The following NALF1 variants were observed in gnomAD, a reference collection of about 807,000 sequenced individuals.
The protein encoded by NALF1 is family with sequence similarity 155 member A.
A neutral mutation model predicts 48.4 loss-of-function variants in NALF1; 3 were observed. The ratio of observed to expected loss-of-function variants is 0.06; its 90% CI spans 0.03 to 0.16. NALF1 has a LOEUF of 0.16. Among genes scored for constraint, NALF1 ranks in the 10% least tolerant of loss-of-function variants. NALF1 has a pLI of 1.00. For missense variants in NALF1, 526 were observed against 571.5 expected (o/e 0.92, Z 0.81); for synonymous variants, 262 against 245.7 (o/e 1.07, Z -0.62).
chr13:107,201,359 G>A (rs932089392), intron 2 of NALF1, among the ~76,000 whole-genome samples: 10 of 152,294 alleles, frequency 6.6e-5, no homozygotes, highest in African/African-American at 9.6e-5. Flanking sequence ...GGCAGATCAC[G>A]AGGTCAGGAG....
rs1878725539 is a variant in NALF1, at chr13:107,168,874, A to G, written c.*1623T>C. On this transcript the variant is annotated 3_prime_UTR_variant, in exon 3 of 3. Coordinates refer to ENST00000375915, the MANE Select transcript of NALF1 (RefSeq NM_001080396.3). ...TTTGTTCACTAAGAGGACCTTTTCT[A>G]TGGATTTCCTTCATCTCTCAGTCAC... 6.6e-6 allele frequency: 1 copy of G among 152,622 alleles called. No homozygotes were observed. The highest frequency in any genetic ancestry group is 2.4e-5 in the African/African-American group (1 of 41,454). 9.5% of individuals were successfully genotyped at this position (152,622 alleles called of 1,614,324 possible).
intron 1 of NALF1, among the ~76,000 whole-genome samples, chr13:107,748,793 A>T (rs749911179): frequency 2.0e-5 from 3 of 152,196 alleles, no homozygotes; most frequent in Non-Finnish European, 2.9e-5. Flanking sequence ...TTGATTAATT[A>T]TATTATTTGG....
At chr13:107,594,231 T>C (rs1046515488) in intron 1 of NALF1, among the ~76,000 whole-genome samples, 3 of 152,060 alleles carry the variant, frequency 2.0e-5, no homozygotes, top group Non-Finnish European at 4.4e-5. Context: ...ATGACAGCAA[T>C]AGTGCAAAAT....
At chr13:107,411,752 G>A (rs958182921) in intron 1 of NALF1, among the ~76,000 whole-genome samples, 5 of 152,148 alleles carry the variant, frequency 3.3e-5, no homozygotes, top group African/African-American at 1.2e-4. Flanking sequence ...CTACTGAACT[G>A]GAATAAGTGG....
At chr13:107,248,221 G>A (rs1215096035) in intron 1 of NALF1, among the ~76,000 whole-genome samples, 4 of 147,406 alleles carry the variant, frequency 2.7e-5, no homozygotes, top group African/African-American at 7.6e-5. Flanking sequence ...GATCGTCATA[G>A]GGCAAAAAAA....
chr13:107,202,699 A>C (rs1879546314), intron 2 of NALF1, among the ~76,000 whole-genome samples: 1 of 152,226 alleles, frequency 6.6e-6, no homozygotes. Context: ...TGATGTTGAG[A>C]AATCAGGACA....
chr13:107,764,411 T>C (rs1020027632), intron 1 of NALF1, among the ~76,000 whole-genome samples: 10 of 152,134 alleles, frequency 6.6e-5, no homozygotes, highest in African/African-American at 2.2e-4. Context: ...TATGTGTGTG[T>C]ATATATAACA....
chr13:107,596,376 G>A (rs140674510), intron 1 of NALF1, among the ~76,000 whole-genome samples: 12 of 152,272 alleles, frequency 7.9e-5, no homozygotes, highest in Middle Eastern at 3.4e-3. Context: ...GCACACATAC[G>A]TGTATTGCAG....
rs118121983 is a variant in NALF1 at position 107,584,101 on chromosome 13, T to C, written c.915+281581A>G. 1.7e-3 allele frequency among the ~76,000 whole-genome samples: 259 copies of C among 152,268 alleles called. 1 individual carries two copies. The highest frequency in any genetic ancestry group is 3.3e-3 in the Non-Finnish European group (222 of 68,000). On this transcript the variant is annotated intron_variant, in intron 1 of 2. Transcript: ENST00000375915. ...TACTTTAAATTTATGGAAAATCGTT[T>C]AAAAATGTGCTATGACCTAGGGACT... is the stretch of plus-strand genomic sequence containing the variant.
rs1878603838 is a variant in NALF1, at chr13:107,163,719, T to A, written c.*6778A>T. On this transcript the variant is annotated 3_prime_UTR_variant, in exon 3 of 3. Transcript: ENST00000375915. ...TACTTGAGTACATTCAGAAAAACAA[T>A]TTAAAAATAATACATGAGTTTATAC... is the stretch of plus-strand genomic sequence containing the variant. 6.6e-6 allele frequency: 1 copy of A among 152,152 alleles called. No individual in the cohort carries two copies. The highest frequency in any genetic ancestry group is 6.5e-5 in the Admixed American group (1 of 15,280). 9.4% of individuals were successfully genotyped at this position (152,152 alleles called of 1,614,324 possible). A position where few individuals can be genotyped will look rare whatever the true frequency, so the allele number is the denominator to read the frequency against.
At position 107,546,631 on chromosome 13, in the gene NALF1, CTCTCTCTCCCGCCCTCTCTCTCTG is replaced by C. The variant is rs376907867; in HGVS notation, c.915+319027_915+319050del. Among the ~76,000 whole-genome samples, 334 of 152,192 alleles carry C rather than the reference CTCTCTCTCCCGCCCTCTCTCTCTG, an allele frequency of 2.2e-3. 1 individual carries two copies. Among genetic ancestry groups the C allele is most frequent in the African/African-American group, 7.5e-3 (312 of 41,534 alleles). ...CAAGCTTAATTATTTTGTGGTTTCTCTCTCTCTCCCGCCCTCTCTCTCTGTCTCTCTCCCGGCTAGCTTTCCATC... is the reference window on the plus strand; with the variant it reads ...CAAGCTTAATTATTTTGTGGTTTCTCTCTCTCTCCCGGCTAGCTTTCCATC... On this transcript the variant is annotated intron_variant, in intron 1 of 2. Transcript: ENST00000375915.
chr13:107,428,317 T>C (rs1884314824), intron 1 of NALF1, among the ~76,000 whole-genome samples: 1 of 152,210 alleles, frequency 6.6e-6, no homozygotes, highest in African/African-American at 2.4e-5. Context: ...GTTGCACTGC[T>C]GCTGTAAACA....
At chr13:107,621,738 A>C (rs1429938411) in intron 1 of NALF1, among the ~76,000 whole-genome samples, 4 of 152,130 alleles carry the variant, frequency 2.6e-5, no homozygotes, top group Non-Finnish European at 2.9e-5. Flanking sequence ...CCATGAGAAA[A>C]ATTGAGGCGC....
rs1437541413 is a variant in NALF1, at chr13:107,271,802, A to ATT, written c.916-61048_916-61047insAA. Among the ~76,000 whole-genome samples the ATT allele has an allele frequency of 4.2e-4, 26 of 61,938 alleles. 1 individual carries two copies. The South Asian group carries it at 0.012, about 28-fold the overall frequency. 40.6% of individuals were successfully genotyped at this position (61,938 alleles called of 152,430 possible). On this transcript the variant is annotated intron_variant, in intron 1 of 2. Transcript: ENST00000375915. ...TATATATATATATATATATATATAT[A>ATT]TATATATATATATATTTATATATTT...
At chr13:107,483,841 T>A (rs1885288809) in intron 1 of NALF1, among the ~76,000 whole-genome samples, 1 of 151,966 alleles carries the variant, frequency 6.6e-6, no homozygotes, top group African/African-American at 2.4e-5. Context: ...ATTAATAGCA[T>A]TAAATATAAA....
At position 107,178,861 on chromosome 13, in the gene NALF1, C is replaced by T. The variant is rs1308929266; in HGVS notation, c.1088-8075G>A. ...TCGGGAGGCTGAGTCAGGAGAATGGCGTGAACCCAGGAGGCGGAGCTTGCA... is the reference window on the plus strand; with the variant it reads ...TCGGGAGGCTGAGTCAGGAGAATGGTGTGAACCCAGGAGGCGGAGCTTGCA... On this transcript the variant is annotated intron_variant, in intron 2 of 2. Transcript: ENST00000375915. Among the ~76,000 whole-genome samples the T allele has an allele frequency of 2.6e-5, 4 of 151,910 alleles. No homozygotes were observed. The South Asian group carries it at 6.2e-4, about 24-fold the overall frequency.
intron 1 of NALF1, among the ~76,000 whole-genome samples, chr13:107,471,598 A>G (rs1293024652): frequency 6.6e-6 from 1 of 152,200 alleles, no homozygotes; most frequent in Non-Finnish European, 1.5e-5. Context: ...GTAATTTATT[A>G]TATGTTGGCT....
intron 1 of NALF1, among the ~76,000 whole-genome samples, chr13:107,241,256 G>C (rs979178406): frequency 1.3e-5 from 2 of 151,972 alleles, no homozygotes; most frequent in Non-Finnish European, 2.9e-5. Context: ...ATAGCCAAAA[G>C]CCTCATTATC....
At chr13:107,599,341 G>A (rs944304730) in intron 1 of NALF1, among the ~76,000 whole-genome samples, 1 of 150,282 alleles carries the variant, frequency 6.7e-6, no homozygotes, top group African/African-American at 2.5e-5. Context: ...AGAATGGCAT[G>A]AACCTGGGAG....
Sources: gnomAD v4.1 joint callset for allele counts (sites outside exome capture counted in the v4.1 genomes callset) on GRCh38, gnomAD v4.1.1 for gene constraint, MANE v1.5 for transcripts, NCBI Gene and HGNC (gene_info 2026-07-23, HGNC 2026-07-21) for gene names.